Variants in GNAL observed in about 807,000 individuals in gnomAD.
GNAL encodes G protein subunit alpha L.
A neutral mutation model predicts 55.1 loss-of-function variants in GNAL; 18 were observed. That is an observed-to-expected ratio of 0.33 (90% CI 0.23 to 0.48). GNAL has a LOEUF of 0.48. GNAL is among the 20% of genes least tolerant of loss of function. The pLI is 0.99. For synonymous variants in GNAL, 253 were observed against 237.0 expected (o/e 1.07, Z -0.62); for missense variants, 412 against 614.1 (o/e 0.67, Z 3.48).
intron 1 of GNAL, among the ~76,000 whole-genome samples, chr18:11,730,647 C>G (rs1181466950): frequency 6.6e-6 from 1 of 151,832 alleles, no homozygotes; most frequent in African/African-American, 2.4e-5. Flanking sequence ...ACCTGTAGTC[C>G]CAGCTACTAA....
chr18:11,751,748 C>T lies in GNAL; in HGVS notation c.377-1105C>T, dbSNP rs997802540. 4.1e-6 allele frequency: 3 copies of T among 733,614 alleles called. No homozygotes were observed. Among genetic ancestry groups the T allele is most frequent in the Non-Finnish European group, 3.3e-6 (2 of 599,562 alleles). The allele number at this position is 733,614 out of a possible 1,614,324, so 45.4% of individuals were successfully genotyped here. A position where few individuals can be genotyped will look rare whatever the true frequency, so the allele number is the denominator to read the frequency against. On this transcript the variant is annotated intron_variant, in intron 1 of 11. Coordinates refer to ENST00000334049, the MANE Select transcript of GNAL (RefSeq NM_182978.4). The surrounding 1 kb of genome is among the most constrained non-coding windows in gnomAD (Gnocchi z 4.5). The stretch of plus-strand genomic sequence containing the variant: ...GCCGGGCTCCGTGGGGGGTCAGCTC[C>T]CTGACCCCTACAGCGCGGTAGCGCC...
At chr18:11,748,062 A>G (rs896770532) in intron 1 of GNAL, among the ~76,000 whole-genome samples, 1 of 152,174 alleles carries the variant, frequency 6.6e-6, no homozygotes, top group African/African-American at 2.4e-5. Context: ...TGCTGATCCA[A>G]TGGTTCTAAA....
Position 11,751,813 on chromosome 18 carries a change from A to C in GNAL, c.377-1040A>C. 2.1e-5 allele frequency: 5 copies of C among 242,410 alleles called. No homozygotes were observed. The highest frequency in any genetic ancestry group is 3.3e-5 in the Non-Finnish European group (5 of 150,620). 15.0% of individuals were successfully genotyped at this position (242,410 alleles called of 1,614,324 possible). A position where few individuals can be genotyped will look rare whatever the true frequency, so the allele number is the denominator to read the frequency against. ...GGGACCAGCGGCCCGGCCGCCCCCA[A>C]AGCCAGCCTCCCTCTCCCTTCCCCG... On this transcript the variant is annotated intron_variant, in intron 1 of 11. Coordinates refer to ENST00000334049, the MANE Select transcript of GNAL (RefSeq NM_182978.4). This position sits in a 1 kb window ranked among gnomAD's most constrained non-coding sequence, Gnocchi z 4.5.
intron 5 of GNAL, among the ~76,000 whole-genome samples, chr18:11,838,854 T>A (rs1011091240): frequency 1.3e-5 from 2 of 152,210 alleles, no homozygotes; most frequent in Admixed American, 1.3e-4. Flanking sequence ...ACAGTACCCA[T>A]ACTGAAAATA....
Position 11,752,367 on chromosome 18 carries a change from G to T in GNAL, c.377-486G>T. 2 of 1,539,462 alleles carry T rather than the reference G, an allele frequency of 1.3e-6. No individual in the cohort carries two copies. Among genetic ancestry groups the T allele is most frequent in the Admixed American group, 4.3e-5 (2 of 47,030 alleles). ...AGGAGCCGTCGCAGGAGCCGCACAC[G>T]TCTCCAACTCTCTATTGCTTTTTGC... On this transcript the variant is annotated intron_variant, in intron 1 of 11. Coordinates refer to ENST00000334049, the MANE Select transcript of GNAL (RefSeq NM_182978.4). The surrounding 1 kb of genome is among the most constrained non-coding windows in gnomAD (Gnocchi z 4.5).
At chr18:11,791,389 T>C (rs1188581910) in intron 4 of GNAL, among the ~76,000 whole-genome samples, 1 of 152,216 alleles carries the variant, frequency 6.6e-6, no homozygotes. Context: ...TGAAGACGCC[T>C]GGGTTAGGGG....
chr18:11,822,198 T>C (rs1049763471), intron 4 of GNAL, among the ~76,000 whole-genome samples: 3 of 151,862 alleles, frequency 2.0e-5, no homozygotes, highest in Non-Finnish European at 2.9e-5. Context: ...GGGCGGGGCG[T>C]GGTGGGCGCG....
chr18:11,879,192 G>A (rs2036603264), intron 11 of GNAL, among the ~76,000 whole-genome samples: 1 of 151,322 alleles, frequency 6.6e-6, no homozygotes, highest in South Asian at 2.1e-4. Flanking sequence ...AGAGAAGCCT[G>A]ACTATTGCTA....
chr18:11,880,125 C>T lies in GNAL; in HGVS notation c.1231-864C>T, dbSNP rs536926593. ...TACAAAAAGTAGCCAGGCGTGGTGG[C>T]GCACGCCTGTAATCCCAGCTACTCA... On this transcript the variant is annotated intron_variant, in intron 11 of 11. Coordinates refer to ENST00000334049, the MANE Select transcript of GNAL (RefSeq NM_182978.4). Among the ~76,000 whole-genome samples the T allele has an allele frequency of 2.3e-4, 35 of 149,970 alleles. 2 individuals are homozygous for T. Among genetic ancestry groups the T allele is most frequent in the Admixed American group, 1.1e-3 (16 of 14,926 alleles).
intron 5 of GNAL, among the ~76,000 whole-genome samples, chr18:11,838,103 C>T (rs1383303936): frequency 6.6e-6 from 1 of 152,090 alleles, no homozygotes; most frequent in Non-Finnish European, 1.5e-5. Context: ...TGCACTCCAG[C>T]CTAGGTGACA....
chr18:11,876,014 C>G (rs183062214), intron 10 of GNAL, among the ~76,000 whole-genome samples: 1 of 152,154 alleles, frequency 6.6e-6, no homozygotes, highest in Non-Finnish European at 1.5e-5. Context: ...GCGGAGCCCT[C>G]GTGACCTCAT....
intron 4 of GNAL, among the ~76,000 whole-genome samples, chr18:11,781,215 T>C (rs1194238098): frequency 6.6e-6 from 1 of 152,232 alleles, no homozygotes; most frequent in African/African-American, 2.4e-5. Flanking sequence ...CTGTGGTAAC[T>C]GCAAATAAAG....
chr18:11,876,147 A>G (rs1266354748), intron 10 of GNAL, among the ~76,000 whole-genome samples: 2 of 152,232 alleles, frequency 1.3e-5, no homozygotes, highest in Non-Finnish European at 2.9e-5. Context: ...TATCAGAGCA[A>G]TAACTATTAA....
chr18:11,739,734 G>T (rs559462887), intron 1 of GNAL, among the ~76,000 whole-genome samples: 18 of 151,798 alleles, frequency 1.2e-4, no homozygotes. Context: ...ACACTCTGTG[G>T]TGTCCTTCCC....
At chr18:11,764,633 A>G (rs1598437778) in intron 4 of GNAL, among the ~76,000 whole-genome samples, 1 of 151,494 alleles carries the variant, frequency 6.6e-6, no homozygotes, top group African/African-American at 2.4e-5. Flanking sequence ...ACATGGTGAA[A>G]CCCTGTCTCT....
At chr18:11,791,037 A>G (rs991617489) in intron 4 of GNAL, among the ~76,000 whole-genome samples, 3 of 152,184 alleles carry the variant, frequency 2.0e-5, no homozygotes, top group African/African-American at 7.2e-5. Flanking sequence ...TTTACAGAGC[A>G]AGATATCCAG....
intron 9 of GNAL, among the ~76,000 whole-genome samples, chr18:11,869,765 T>C (rs147644025): frequency 1.3e-5 from 2 of 151,836 alleles, no homozygotes; most frequent in East Asian, 3.9e-4. Flanking sequence ...ATACAAAAAT[T>C]AGGCATGGTG....
At chr18:11,846,553 G>A (rs1404961158) in intron 5 of GNAL, among the ~76,000 whole-genome samples, 1 of 150,742 alleles carries the variant, frequency 6.6e-6, no homozygotes, top group Non-Finnish European at 1.5e-5. Flanking sequence ...TTGTAGTCTC[G>A]AACTCCTGGA....
At chr18:11,691,799 G>T (rs1193381148) in intron 1 of GNAL, among the ~76,000 whole-genome samples, 1 of 152,186 alleles carries the variant, frequency 6.6e-6, no homozygotes, top group African/African-American at 2.4e-5. Flanking sequence ...AGCTCTGGGA[G>T]ATTTGCTCCG....
Sources: gnomAD v4.1 joint callset for allele counts (sites outside exome capture counted in the v4.1 genomes callset) on GRCh38, gnomAD v4.1.1 for gene constraint, Gnocchi (gnomAD v3.1) non-coding constraint, MANE v1.5 for transcripts, NCBI Gene and HGNC (gene_info 2026-07-23, HGNC 2026-07-21) for gene names.